The following SORCS2 variants were observed in gnomAD, a reference collection of about 807,000 sequenced individuals.
The protein encoded by SORCS2 is sortilin related VPS10 domain containing receptor 2, also known as VPS10 domain-containing receptor SorCS2.
Under a neutral mutation model 141.6 loss-of-function variants are expected in SORCS2, and 100 were observed. The ratio of observed to expected loss-of-function variants is 0.71; its 90% CI spans 0.60 to 0.83. The LOEUF is 0.83. Ranked by LOEUF, SORCS2 falls within the 40% of genes least tolerant of loss-of-function variation. The probability of loss-of-function intolerance (pLI) is 0.00; values close to 1 mark genes in which losing one functional copy is unlikely to be tolerated. For missense variants in SORCS2, 1,646 were observed against 1,560.2 expected, an observed-to-expected ratio of 1.05 and a Z score of -0.93; for synonymous variants, 789 against 676.9, an observed-to-expected ratio of 1.17 and a Z score of -2.57.
intron 1 of SORCS2, among the ~76,000 whole-genome samples, chr4:7,327,432 G>T (rs34261648): frequency 2.6e-5 from 4 of 152,104 alleles, no homozygotes; most frequent in African/African-American, 9.7e-5. Flanking sequence ...ACACAGGGAC[G>T]GGATTAGTAT....
In SORCS2 at chr4:7,682,855, T is replaced by G; in HGVS notation, c.1454T>G (p.Met485Arg). 2.5e-6 allele frequency: 4 copies of G among 1,613,498 alleles called. No individual in the cohort carries two copies. Among genetic ancestry groups the G allele is most frequent in the Non-Finnish European group, 3.4e-6 (4 of 1,179,706 alleles). Reference sequence around the variant, plus strand: ...TGGGATTACCTGAGGCCACCCAGCATGGACATGAATGGAAAACCAACCAAC... The same window carrying G: ...TGGGATTACCTGAGGCCACCCAGCAGGGACATGAATGGAAAACCAACCAAC... The part of the protein sequence containing the change: ...RDWDYLRPPS[M>R]DMNGKPTNCK... Residue 485 changes from methionine to arginine, a missense_variant, in exon 10 of 27, where the codon ATG becomes AGG. Coordinates refer to ENST00000507866, the MANE Select transcript of SORCS2 (RefSeq NM_020777.3).
At chr4:7,328,589 C>T (rs564771510) in intron 1 of SORCS2, among the ~76,000 whole-genome samples, 40 of 152,314 alleles carry the variant, frequency 2.6e-4, no homozygotes, top group African/African-American at 9.6e-4. Flanking sequence ...TCCATTGATT[C>T]ATGCGAGAAG....
chr4:7,362,573 T>C (rs1053441644), intron 1 of SORCS2, among the ~76,000 whole-genome samples: 2 of 152,108 alleles, frequency 1.3e-5, no homozygotes, highest in African/African-American at 4.8e-5. Flanking sequence ...GCTGAAGGCC[T>C]AGACCCCAGG....
At chr4:7,389,034 C>T (rs746637135) in intron 1 of SORCS2, among the ~76,000 whole-genome samples, 4 of 152,234 alleles carry the variant, frequency 2.6e-5, no homozygotes, top group Non-Finnish European at 5.9e-5. Context: ...CTTAACTTGG[C>T]GGTTCTGCCC....
intron 1 of SORCS2, among the ~76,000 whole-genome samples, chr4:7,204,215 G>A (rs1054619154): frequency 6.6e-6 from 1 of 151,990 alleles, no homozygotes; most frequent in Non-Finnish European, 1.5e-5. Context: ...GTAATCCTAC[G>A]TCAGTTTTTT....
intron 1 of SORCS2, among the ~76,000 whole-genome samples, chr4:7,362,218 G>C (rs754448426): frequency 6.6e-6 from 1 of 152,076 alleles, no homozygotes; most frequent in Admixed American, 6.5e-5. Context: ...ATCCATAGCC[G>C]CCAGTCGTCC....
intron 1 of SORCS2, among the ~76,000 whole-genome samples, chr4:7,221,800 C>A (rs944575930): frequency 2.0e-5 from 3 of 152,230 alleles, no homozygotes; most frequent in Admixed American, 1.3e-4. Context: ...ACTTCACTGA[C>A]TCTTGGAGAA....
intron 23 of SORCS2, 43 bp downstream of exon 23, chr4:7,729,755 T>A (rs755380606): frequency 1.3e-6 from 2 of 1,584,916 alleles, no homozygotes; most frequent in Non-Finnish European, 1.7e-6. Context: ...TCCCTGCACA[T>A]CCCAGGGCTC....
chr4:7,309,209 G>A (rs914103882), intron 1 of SORCS2, among the ~76,000 whole-genome samples: 4 of 152,198 alleles, frequency 2.6e-5, no homozygotes, highest in Non-Finnish European at 5.9e-5. Context: ...CTGTGTGCAA[G>A]TGTGGAAGCT....
intron 9 of SORCS2, among the ~76,000 whole-genome samples, chr4:7,679,319 C>T (rs1000075238): frequency 1.3e-5 from 2 of 152,174 alleles, no homozygotes; most frequent in South Asian, 4.1e-4. Flanking sequence ...CCCAAGGAGC[C>T]CTGGCCACAA....
At chr4:7,659,265 G>A (rs1204746682) in intron 5 of SORCS2, among the ~76,000 whole-genome samples, 4 of 146,366 alleles carry the variant, frequency 2.7e-5, no homozygotes, top group Non-Finnish European at 4.5e-5. Context: ...CCTCACTAAG[G>A]TTCCTTTCAT....
intron 11 of SORCS2, among the ~76,000 whole-genome samples, chr4:7,690,652 T>C (rs192366015): frequency 1.7e-4 from 26 of 151,658 alleles, no homozygotes; most frequent in Non-Finnish European, 3.1e-4. Context: ...TGATGGGTGA[T>C]GGATAGATGG....
chr4:7,271,037 AT>A (rs1397603541), intron 1 of SORCS2, among the ~76,000 whole-genome samples: 2 of 152,210 alleles, frequency 1.3e-5, no homozygotes, highest in Non-Finnish European at 2.9e-5. Context: ...GGAAGGGGAC[AT>A]TTCCATGACA....
chr4:7,271,643 C>T (rs1219889702), intron 1 of SORCS2, among the ~76,000 whole-genome samples: 3 of 152,232 alleles, frequency 2.0e-5, no homozygotes, highest in East Asian at 1.9e-4. Flanking sequence ...TTGTGGCTCC[C>T]GTCTGCCACA....
chr4:7,544,642 T>C (rs1713103511), intron 3 of SORCS2, among the ~76,000 whole-genome samples: 1 of 152,268 alleles, frequency 6.6e-6, no homozygotes, highest in Non-Finnish European at 1.5e-5. Flanking sequence ...CTGAATTCTC[T>C]GTTCAGCTCA....
At chr4:7,452,222 C>T (rs569952768) in intron 2 of SORCS2, among the ~76,000 whole-genome samples, 29 of 152,146 alleles carry the variant, frequency 1.9e-4, no homozygotes, top group Non-Finnish European at 3.8e-4. Flanking sequence ...CTCACTGCAA[C>T]CTCTGCCTCC....
At chr4:7,299,622 G>A (rs2108896199) in intron 1 of SORCS2, among the ~76,000 whole-genome samples, 1 of 152,304 alleles carries the variant, frequency 6.6e-6, no homozygotes, top group Non-Finnish European at 1.5e-5. Flanking sequence ...AGCTGTATGG[G>A]AAGGGAGCAC....
At chr4:7,394,158 G>T (rs1296860946) in intron 1 of SORCS2, among the ~76,000 whole-genome samples, 1 of 152,144 alleles carries the variant, frequency 6.6e-6, no homozygotes, top group Non-Finnish European at 1.5e-5. Context: ...CCTCTTGATG[G>T]AAGGAGTGCG....
intron 2 of SORCS2, among the ~76,000 whole-genome samples, chr4:7,420,095 C>G (rs1431849606): frequency 6.6e-6 from 1 of 152,262 alleles, no homozygotes; most frequent in East Asian, 1.9e-4. Context: ...TCCAGCCACA[C>G]TCTGTCAGCC....
Sources: gnomAD v4.1 joint callset for allele counts (sites outside exome capture counted in the v4.1 genomes callset) on GRCh38, gnomAD v4.1.1 for gene constraint, MANE v1.5 for transcripts, NCBI Gene and HGNC (gene_info 2026-07-23, HGNC 2026-07-21) for gene names.